The following ZNF517 variants were observed in gnomAD, a reference collection of about 807,000 sequenced individuals.
ZNF517 encodes the protein zinc finger protein 517.
ZNF517 carries 12 observed loss-of-function variants against 12.1 expected under a neutral mutation model. That is an observed-to-expected ratio of 0.99 (90% CI 0.63 to 1.61). ZNF517 has a LOEUF of 1.61. Among genes scored for constraint, ZNF517 ranks in the 40% most tolerant of loss-of-function variants. The pLI is 0.00. For synonymous variants in ZNF517, 388 were observed against 310.2 expected, an observed-to-expected ratio of 1.25 and a Z score of -2.63; for missense variants, 781 against 693.2, an observed-to-expected ratio of 1.13 and a Z score of -1.42.
At chr8:144,799,811 G>T (rs2958523) in intron 1 of ZNF517, among the ~76,000 whole-genome samples, 7,450 of 152,050 alleles carry the variant, frequency 0.049, 319 homozygotes, top group African/African-American at 0.12. Flanking sequence ...GTGGTGGCGG[G>T]CGCCTGTAGT....
At position 144,807,986 on chromosome 8, in the gene ZNF517, C is replaced by T. The variant is rs994105199; in HGVS notation, c.1070C>T (p.Ala357Val). The T allele has an allele frequency of 5.9e-6, 9 of 1,537,372 alleles. No homozygotes were observed. The African/African-American group carries it at 9.5e-5, about 16-fold the overall frequency. ...GTGGGGCAGGGCGCCCTGCTCGGAG[C>T]TGCGCAGAGGCCCCAGGCGGGGGAC... ...GGVGQGALLG[A>V]AQRPQAGDPP... The change falls in exon 5 of 5, where the codon GCT (alanine) becomes GTT (valine). Residue 357 changes from alanine (A) to valine (V), a missense_variant. Coordinates refer to ENST00000359971, the MANE Select transcript of ZNF517 (RefSeq NM_213605.3).
chr8:144,807,438 A>G lies in ZNF517; in HGVS notation c.522A>G (p.Ser174=). The change falls in exon 5 of 5, where the codon TCA becomes TCG. Residue 174 remains serine, a synonymous_variant. Transcript: ENST00000359971. The part of the protein sequence containing the change: ...QEDLGRPVGS[S]APRYRCVCGK... ...ACCTGGGCCGGCCTGTGGGGAGCTC[A>G]GCCCCCCGCTACAGGTGCGTGTGCG... 3 of 1,572,286 alleles carry G rather than the reference A, an allele frequency of 1.9e-6. No homozygotes were observed. Among genetic ancestry groups the G allele is most frequent in the Non-Finnish European group, 2.6e-6 (3 of 1,159,450 alleles).
chr8:144,812,901 C>T (rs555678720), downstream of ZNF517, among the ~76,000 whole-genome samples: 2 of 152,186 alleles, frequency 1.3e-5, no homozygotes, highest in African/African-American at 4.8e-5. Flanking sequence ...AGTAAAGTTG[C>T]AGGATACAAA....
chr8:144,803,326 TC>T, intron 2 of ZNF517: 1 of 465,382 alleles, frequency 2.1e-6, no homozygotes, highest in Non-Finnish European at 3.9e-6. Context: ...GTGGGGATGC[TC>T]CCCACAGTGC....
rs1827053296 is a variant in ZNF517 at position 144,803,227 on chromosome 8, G to A, written c.33+280G>A. 5 of 512,482 alleles carry A rather than the reference G, an allele frequency of 9.8e-6. No individual in the cohort carries two copies. The South Asian group carries it at 1.1e-4, about 11-fold the overall frequency. 31.7% of individuals were successfully genotyped at this position (512,482 alleles called of 1,614,324 possible). A position where few individuals can be genotyped will look rare whatever the true frequency, so the allele number is the denominator to read the frequency against. On this transcript the variant is annotated intron_variant, in intron 2 of 4. Transcript: ENST00000359971. Reference sequence around the variant, plus strand: ...GGCAGGGTCCCTGTCCTTCCCCAGTGCCTGCCTCCTTCCTGGTGTGAATGG... The same window carrying A: ...GGCAGGGTCCCTGTCCTTCCCCAGTACCTGCCTCCTTCCTGGTGTGAATGG...
chr8:144,803,835 T>G, intron 3 of ZNF517, 68 bp downstream of exon 3: 13 of 1,565,818 alleles, frequency 8.3e-6, no homozygotes, highest in Non-Finnish European at 1.1e-5. Context: ...GGAAGTTGGT[T>G]CCATTGCAGA....
rs555546804 is a variant in ZNF517 at position 144,806,247 on chromosome 8, C to T, written c.275-944C>T. The stretch of plus-strand genomic sequence containing the variant: ...GGTCTGCGCAGGCACCTGCTCTACG[C>T]ACCTGCCCAGACATGTTTGCTGAGT... On this transcript the variant is annotated intron_variant, in intron 4 of 4. Transcript: ENST00000359971. 1.1e-3 allele frequency among the ~76,000 whole-genome samples: 164 copies of T among 152,282 alleles called. 2 individuals are homozygous for T. In the South Asian group the frequency reaches 0.031, roughly 28 times the overall value.
rs1305463821 is a variant in ZNF517 at position 144,807,880 on chromosome 8, T to C, written c.964T>C (p.Cys322Arg). Residue 322 changes from cysteine (C) to arginine (R), a missense_variant, in exon 5 of 5, where the codon TGT (cysteine) becomes CGT (arginine). Cys to Arg is a radical substitution (Grantham distance 180). Transcript: ENST00000359971. ...GGAGCGGCCCTACCGGTGCCTGCGG[T>C]GTGGGCAGCGCTTCATCCGAGGGTC... The part of the protein sequence containing the change: ...SGERPYRCLR[C>R]GQRFIRGSSL... The C allele has an allele frequency of 3.8e-6, 6 of 1,561,062 alleles. 1 individual carries two copies. The highest frequency in any genetic ancestry group is 1.9e-5 in the Admixed American group (1 of 53,432).
chr8:144,810,307 A>G, downstream of ZNF517: 1 of 563,358 alleles, frequency 1.8e-6, no homozygotes, highest in South Asian at 2.2e-5. Context: ...GGTGTGTCAA[A>G]CTCCATGATG....
At chr8:144,801,675 C>T (rs1470282109) in intron 1 of ZNF517, among the ~76,000 whole-genome samples, 1 of 152,162 alleles carries the variant, frequency 6.6e-6, no homozygotes, top group Non-Finnish European at 1.5e-5. Flanking sequence ...GATGGGGTTT[C>T]ACCGTGTTAG....
At chr8:144,811,951 C>T (rs865852134), downstream of ZNF517, among the ~76,000 whole-genome samples, 4 of 94,000 alleles carry the variant, frequency 4.3e-5, no homozygotes, top group South Asian at 8.1e-4. Context: ...GGGAGAGACA[C>T]GGACAGTAAA....
At position 144,807,972 on chromosome 8, in the gene ZNF517, C is replaced by G. The variant is rs1320207314; in HGVS notation, c.1056C>G (p.Gly352=). ...EGAQDGGVGQ[G]ALLGAAQRPQ... is the part of the protein sequence containing the mutation. ...CCCAGGACGGCGGCGTGGGGCAGGG[C>G]GCCCTGCTCGGAGCTGCGCAGAGGC... Residue 352 remains glycine, a synonymous_variant, in exon 5 of 5, where the codon GGC becomes GGG. Coordinates refer to ENST00000359971, the MANE Select transcript of ZNF517 (RefSeq NM_213605.3). The G allele has an allele frequency of 6.6e-7, 1 of 1,510,482 alleles. No homozygotes were observed. Among genetic ancestry groups the G allele is most frequent in the African/African-American group, 1.4e-5 (1 of 72,472 alleles). The allele number at this position is 1,510,482 out of a possible 1,614,324, so 93.6% of individuals were successfully genotyped here.
intron 1 of ZNF517, among the ~76,000 whole-genome samples, chr8:144,801,070 C>G (rs1826935353): frequency 6.6e-6 from 1 of 152,164 alleles, no homozygotes; most frequent in Non-Finnish European, 1.5e-5. Flanking sequence ...TTCAAATGAT[C>G]CGCCCTCATC....
intron 4 of ZNF517, 65 bp downstream of exon 4, chr8:144,804,303 C>A: frequency 8.1e-7 from 1 of 1,233,430 alleles, no homozygotes. Flanking sequence ...CCGGGCAGCT[C>A]TGCAGGTCCC....
At chr8:144,811,812 G>C (rs372169981), downstream of ZNF517, among the ~76,000 whole-genome samples, 180 of 98,974 alleles carry the variant, frequency 1.8e-3, no homozygotes, top group Admixed American at 5.3e-3. Flanking sequence ...GGAGAGACAC[G>C]GACAGTAAAG....
downstream of ZNF517, chr8:144,811,250 C>G (rs117131986): frequency 0.011 from 1,731 of 152,520 alleles, 19 homozygotes; most frequent in Non-Finnish European, 0.014. Context: ...CCTGGAGTCC[C>G]TGCTCACCTT....
At chr8:144,803,848 C>T (rs2130431874) in intron 3 of ZNF517, 81 bp downstream of exon 3, 1 of 1,539,160 alleles carries the variant, frequency 6.5e-7, no homozygotes, top group Non-Finnish European at 8.8e-7. Flanking sequence ...ATTGCAGATT[C>T]AAGGTCTGAC....
intron 4 of ZNF517, 135 bp downstream of exon 4, chr8:144,804,373 T>A: frequency 1.6e-6 from 1 of 607,746 alleles, no homozygotes; most frequent in Non-Finnish European, 2.8e-6. Context: ...GATTTCCTAC[T>A]AACTGCCTTG....
intron 3 of ZNF517, 77 bp downstream of exon 3, chr8:144,803,844 G>A (rs1283691830): frequency 6.4e-7 from 1 of 1,553,932 alleles, no homozygotes; most frequent in Non-Finnish European, 8.7e-7. Context: ...TTCCATTGCA[G>A]ATTCAAGGTC....
Sources: allele counts gnomAD v4.1 joint callset (sites outside exome capture counted in the v4.1 genomes callset), GRCh38; gene constraint gnomAD v4.1.1; transcripts MANE v1.5; gene names NCBI Gene and HGNC (gene_info 2026-07-23, HGNC 2026-07-21).